Variants in COPA observed in about 807,000 individuals in gnomAD.
COPA encodes coat protein complex I subunit alpha.
Under a neutral mutation model 158.7 loss-of-function variants are expected in COPA, and 10 were observed. The observed-to-expected ratio is 0.06, with a 90% CI of 0.04 to 0.11. The LOEUF (loss-of-function observed/expected upper bound fraction) is 0.11. Among genes scored for constraint, COPA ranks in the 10% least tolerant of loss-of-function variants. COPA has a pLI of 1.00. For synonymous variants in COPA, 462 were observed against 542.8 expected, an observed-to-expected ratio of 0.85 and a Z score of 2.07; for missense variants, 1,065 against 1,536.7, an observed-to-expected ratio of 0.69 and a Z score of 5.13.
chr1:160,290,608 C>G lies in COPA; in HGVS notation c.3499G>C (p.Asp1167His), dbSNP rs765123561. The change falls in exon 32 of 33, where the codon GAC becomes CAC. Residue 1167 changes from aspartate (D) to histidine (H), a missense_variant. Around this residue, in one of 2 missense-constraint regions of COPA, gnomAD observed 980 missense variants for 1,357.8 expected, o/e 0.72. Transcript: ENST00000241704. ...QLNYDMHNPFDICAASYRPIY... is the reference protein window; with the variant it reads ...QLNYDMHNPFHICAASYRPIY... ...GGCCGATATGATGCAGCACAAATGTCAAAGGGGTTGTGCATGTCATAATTG... is the reference window on the plus strand; with the variant it reads ...GGCCGATATGATGCAGCACAAATGTGAAAGGGGTTGTGCATGTCATAATTG... 6.2e-7 allele frequency: 1 copy of G among 1,614,146 alleles called. No individual in the cohort carries two copies. The highest frequency in any genetic ancestry group is 1.3e-5 in the African/African-American group (1 of 75,030).
chr1:160,319,745 TG>T (rs1422148349), intron 8 of COPA, among the ~76,000 whole-genome samples: 2 of 151,532 alleles, frequency 1.3e-5, no homozygotes, highest in Admixed American at 6.6e-5. Context: ...TACAAACACA[TG>T]TAAGTTAAAC....
intron 6 of COPA, among the ~76,000 whole-genome samples, chr1:160,326,889 A>G (rs1647247006): frequency 6.6e-6 from 1 of 152,234 alleles, no homozygotes. Flanking sequence ...CAGAATAATA[A>G]TAGTCTTATT....
intron 6 of COPA, among the ~76,000 whole-genome samples, chr1:160,328,255 G>A (rs1647349816): frequency 6.6e-6 from 1 of 152,152 alleles, no homozygotes; most frequent in African/African-American, 2.4e-5. Flanking sequence ...AAAATACAAA[G>A]ATAGACAGCT....
At chr1:160,304,135 C>T (rs1658703948) in intron 17 of COPA, among the ~76,000 whole-genome samples, 1 of 151,726 alleles carries the variant, frequency 6.6e-6, no homozygotes, top group Admixed American at 6.6e-5. Flanking sequence ...CTGCCTCAGC[C>T]TCCGGAGTAG....
intron 17 of COPA, among the ~76,000 whole-genome samples, chr1:160,300,043 T>TAA: frequency 6.6e-6 from 1 of 152,094 alleles, no homozygotes; most frequent in African/African-American, 2.4e-5. Context: ...TGTAACTTTT[T>TAA]AAGAGAATCA....
intron 8 of COPA, among the ~76,000 whole-genome samples, chr1:160,317,958 T>C (rs543755221): frequency 6.6e-6 from 1 of 152,280 alleles, no homozygotes; most frequent in Admixed American, 6.5e-5. Context: ...AGAGCCCACC[T>C]TTTTCAGGAC....
intron 27 of COPA, 132 bp downstream of exon 27, chr1:160,293,034 T>C: frequency 2.2e-6 from 2 of 926,008 alleles, no homozygotes; most frequent in Non-Finnish European, 3.4e-6. Context: ...TTAACAAAGA[T>C]AAAGAGTTTT....
intron 28 of COPA, 131 bp from the exon 29 acceptor site, chr1:160,292,329 C>G: frequency 6.5e-7 from 1 of 1,544,880 alleles, no homozygotes. Context: ...AGGATGACAG[C>G]AGGTGTAAAC....
At chr1:160,318,230 T>A (rs1229783142) in intron 8 of COPA, among the ~76,000 whole-genome samples, 1 of 151,614 alleles carries the variant, frequency 6.6e-6, no homozygotes. Flanking sequence ...AAGGAGAGAG[T>A]AATGACTAAC....
chr1:160,292,511 G>A lies in COPA; in HGVS notation c.2933C>T (p.Ser978Phe). Residue 978 changes from serine to phenylalanine, a missense_variant, in exon 28 of 33, where the codon TCC becomes TTC. By Grantham distance (155) the Ser-to-Phe change is radical (BLOSUM62 -2). Transcript: ENST00000241704. Reference protein sequence around the residue: ...TTYQALPCLPSMYGYPNRNWK... With the variant: ...TTYQALPCLPFMYGYPNRNWK... ...GTTGCGATTAGGATAGCCATACATG[G>A]AGGGTAGGCAGGGCAGAGCCTGATA... 6.2e-7 allele frequency: 1 copy of A among 1,613,870 alleles called. No individual in the cohort carries two copies. The highest frequency in any genetic ancestry group is 8.5e-7 in the Non-Finnish European group (1 of 1,179,912).
At chr1:160,296,214 C>T (rs570726463) in intron 21 of COPA, 65 bp from the exon 22 acceptor site, 6 of 1,394,860 alleles carry the variant, frequency 4.3e-6, no homozygotes, top group Admixed American at 1.7e-5. Context: ...TGGTAAGCAA[C>T]CTCTGAAATG....
At chr1:160,311,059 C>T (rs1353236245) in intron 11 of COPA, among the ~76,000 whole-genome samples, 2 of 152,134 alleles carry the variant, frequency 1.3e-5, no homozygotes, top group African/African-American at 4.8e-5. Context: ...ACTTCCTTGC[C>T]TCCCTCACTC....
At position 160,299,087 on chromosome 1, in the gene COPA, A is replaced by G. The variant is rs374955545; in HGVS notation, c.1830+15T>C. On this transcript the variant is annotated intron_variant, in intron 18 of 32. Coordinates refer to ENST00000241704, the MANE Select transcript of COPA (RefSeq NM_004371.4). ...TGCCTCTCTTAATACTCTAGTTTGCATCCTCACTTCATACCTCATCATATT... is the reference window on the plus strand; with the variant it reads ...TGCCTCTCTTAATACTCTAGTTTGCGTCCTCACTTCATACCTCATCATATT... 3.7e-6 allele frequency: 6 copies of G among 1,611,388 alleles called. No homozygotes were observed. Among genetic ancestry groups the G allele is most frequent in the Admixed American group, 1.7e-5 (1 of 59,826 alleles).
At chr1:160,294,956 C>A in intron 23 of COPA, 99 bp from the exon 24 acceptor site, 2 of 886,458 alleles carry the variant, frequency 2.3e-6, no homozygotes, top group Non-Finnish European at 3.6e-6. Flanking sequence ...AAACAGGTGC[C>A]AAGCTTCTGC....
chr1:160,289,114 C>G lies in COPA; in HGVS notation c.*1043G>C, dbSNP rs1368432546. On this transcript the variant is annotated 3_prime_UTR_variant, in exon 33 of 33. Coordinates refer to ENST00000241704, the MANE Select transcript of COPA (RefSeq NM_004371.4). The stretch of plus-strand genomic sequence containing the variant: ...CCTCCAGAGTAGCTGGGATTACAGG[C>G]ACCCACCACCATGCCCGGCTAGCTT... Among the ~76,000 whole-genome samples the G allele has an allele frequency of 6.6e-6, 1 of 151,688 alleles. No individual in the cohort carries two copies. Among genetic ancestry groups the G allele is most frequent in the Non-Finnish European group, 1.5e-5 (1 of 67,972 alleles).
intron 17 of COPA, among the ~76,000 whole-genome samples, chr1:160,303,720 G>T (rs1658691429): frequency 6.6e-6 from 1 of 152,084 alleles, no homozygotes; most frequent in Non-Finnish European, 1.5e-5. Flanking sequence ...TTCATTAAAG[G>T]ATACCATAAA....
intron 12 of COPA, among the ~76,000 whole-genome samples, chr1:160,309,520 C>T (rs1658894147): frequency 6.6e-6 from 1 of 151,192 alleles, no homozygotes; most frequent in Admixed American, 6.6e-5. Context: ...GAGTACTCAA[C>T]CTCTGGAAAG....
intron 3 of COPA, among the ~76,000 whole-genome samples, chr1:160,339,110 T>TTTATTTCTCCTTATTGGCCC (rs780457692): frequency 0.029 from 3,854 of 132,286 alleles, 98 homozygotes; most frequent in Middle Eastern, 0.04. Flanking sequence ...AGTCAGCTCA[T>TTTATTTCTCCTTATTGGCCC]TTATTTCTCC....
At chr1:160,326,201 T>C (rs960927339) in intron 6 of COPA, 5 of 154,248 alleles carry the variant, frequency 3.2e-5, no homozygotes, top group African/African-American at 1.2e-4. Context: ...GATAACTCAC[T>C]ATCTTCGGAC....
Sources: allele counts gnomAD v4.1 joint callset (sites outside exome capture counted in the v4.1 genomes callset), GRCh38; gene constraint gnomAD v4.1.1; regional missense constraint gnomAD v4.1.1; transcripts MANE v1.5; gene names NCBI Gene and HGNC (gene_info 2026-07-23, HGNC 2026-07-21).